The following NTNG1 variants were observed in gnomAD, a reference collection of about 807,000 sequenced individuals.
NTNG1 encodes netrin G1.
In NTNG1, 16 loss-of-function variants were observed where a neutral mutation model predicts 54.0. The ratio of observed to expected loss-of-function variants is 0.30; its 90% CI spans 0.20 to 0.45. NTNG1 has a LOEUF of 0.45. NTNG1 is among the 20% of genes least tolerant of loss of function. NTNG1 has a pLI of 1.00. For missense variants in NTNG1, 530 were observed against 678.7 expected, an observed-to-expected ratio of 0.78 and a Z score of 2.43; for synonymous variants, 255 against 263.1, an observed-to-expected ratio of 0.97 and a Z score of 0.30.
At chr1:107,170,718 A>G (rs908112955) in intron 2 of NTNG1, among the ~76,000 whole-genome samples, 1 of 151,414 alleles carries the variant, frequency 6.6e-6, no homozygotes, top group Admixed American at 6.6e-5. Flanking sequence ...CTTGAGGGGG[A>G]AAAAAAAGAA....
At chr1:107,267,495 C>G (rs1318364045) in intron 2 of NTNG1, among the ~76,000 whole-genome samples, 1 of 152,160 alleles carries the variant, frequency 6.6e-6, no homozygotes, top group Non-Finnish European at 1.5e-5. Context: ...GTCCCGTACC[C>G]TCATGCTCAT....
intron 2 of NTNG1, among the ~76,000 whole-genome samples, chr1:107,261,719 T>G (rs373007136): frequency 6.6e-6 from 1 of 152,214 alleles, no homozygotes. Context: ...GGCGGGTGCC[T>G]GTAGTCCCAG....
Position 107,165,555 on chromosome 1 carries a change from C to G in NTNG1, c.246+16716C>G, listed in dbSNP as rs76701564. 5.0e-3 allele frequency among the ~76,000 whole-genome samples: 755 copies of G among 152,236 alleles called. 11 individuals are homozygous for G. Among genetic ancestry groups the G allele is most frequent in the African/African-American group, 0.017 (719 of 41,536 alleles). On this transcript the variant is annotated intron_variant, in intron 2 of 7. Transcript: ENST00000370068. ...AATTATTAGTTACTAGTCTGCCCCC[C>G]ACATCAGATTGTAAGCTCCTTGCAG...
chr1:107,469,019 C>A (rs541873015), intron 7 of NTNG1, among the ~76,000 whole-genome samples: 1 of 151,236 alleles, frequency 6.6e-6, no homozygotes, highest in Admixed American at 6.6e-5. Flanking sequence ...TCGCTTGAAT[C>A]CCGGGAGGCG....
chr1:107,387,362 T>C (rs1672074474), intron 3 of NTNG1, among the ~76,000 whole-genome samples: 1 of 152,226 alleles, frequency 6.6e-6, no homozygotes, highest in African/African-American at 2.4e-5. Context: ...AGCCATATTT[T>C]AGTTTTTCTG....
At chr1:107,147,035 G>C (rs1654173130) in intron 1 of NTNG1, among the ~76,000 whole-genome samples, 1 of 151,906 alleles carries the variant, frequency 6.6e-6, no homozygotes, top group East Asian at 1.9e-4. Flanking sequence ...ATCTAATTAA[G>C]AAATTATACT....
At chr1:107,157,290 A>C (rs983268991) in intron 2 of NTNG1, among the ~76,000 whole-genome samples, 8 of 152,208 alleles carry the variant, frequency 5.3e-5, no homozygotes, top group Non-Finnish European at 1.2e-4. Flanking sequence ...ATAGTATTCT[A>C]GCATATGAAT....
At chr1:107,275,309 G>A (rs4344351) in intron 2 of NTNG1, among the ~76,000 whole-genome samples, 5,444 of 152,156 alleles carry the variant, frequency 0.036, 302 homozygotes, top group African/African-American at 0.12. Context: ...TCCGGGAGGT[G>A]GAGGTTGTAG....
At chr1:107,165,567 T>A (rs1001691178) in intron 2 of NTNG1, among the ~76,000 whole-genome samples, 5 of 152,156 alleles carry the variant, frequency 3.3e-5, no homozygotes, top group Admixed American at 2.0e-4. Context: ...CATCAGATTG[T>A]AAGCTCCTTG....
intron 2 of NTNG1, among the ~76,000 whole-genome samples, chr1:107,242,212 G>A (rs1424563704): frequency 1.3e-5 from 2 of 152,070 alleles, no homozygotes; most frequent in African/African-American, 4.8e-5. Context: ...TGGTTGGGGA[G>A]GCTTGAGGTG....
chr1:107,395,779 T>C (rs941121652), intron 4 of NTNG1, among the ~76,000 whole-genome samples: 1 of 152,196 alleles, frequency 6.6e-6, no homozygotes, highest in Non-Finnish European at 1.5e-5. Context: ...TTCTCCCCAC[T>C]ACAGTTTTAG....
chr1:107,264,205 C>A (rs1346744282), intron 2 of NTNG1, among the ~76,000 whole-genome samples: 1 of 152,104 alleles, frequency 6.6e-6, no homozygotes, highest in Non-Finnish European at 1.5e-5. Flanking sequence ...CACACCCCCT[C>A]CCCTCACCAC....
At chr1:107,335,794 T>C (rs1668539859) in intron 3 of NTNG1, among the ~76,000 whole-genome samples, 1 of 151,786 alleles carries the variant, frequency 6.6e-6, no homozygotes. Context: ...ACACTAACAA[T>C]GAAGGTCCAA....
chr1:107,235,883 A>C (rs1167677588), intron 2 of NTNG1, among the ~76,000 whole-genome samples: 1 of 152,144 alleles, frequency 6.6e-6, no homozygotes, highest in East Asian at 1.9e-4. Context: ...TCCAGGGCTC[A>C]CTAAGATACT....
At chr1:107,155,597 GACTCTTTAAGTGGGTCACT>G (rs1486420635) in intron 2 of NTNG1, among the ~76,000 whole-genome samples, 2 of 152,028 alleles carry the variant, frequency 1.3e-5, no homozygotes, top group Non-Finnish European at 2.9e-5. Context: ...ACTGTATTCT[GACTCTTTAAGTGGGTCACT>G]ACTCTTTAAG....
chr1:107,302,327 T>G (rs1666371828), intron 2 of NTNG1, among the ~76,000 whole-genome samples: 1 of 152,164 alleles, frequency 6.6e-6, no homozygotes, highest in African/African-American at 2.4e-5. Context: ...CTGCTTGATC[T>G]TGATCATGTA....
intron 3 of NTNG1, among the ~76,000 whole-genome samples, chr1:107,342,925 C>T (rs1465634131): frequency 6.6e-6 from 1 of 152,100 alleles, no homozygotes; most frequent in Non-Finnish European, 1.5e-5. Flanking sequence ...ATCCCTGTGC[C>T]TCCTAAAAGC....
intron 2 of NTNG1, among the ~76,000 whole-genome samples, chr1:107,236,152 G>C (rs971233785): frequency 6.6e-6 from 1 of 152,104 alleles, no homozygotes; most frequent in Admixed American, 6.6e-5. Flanking sequence ...CTTGAAATTA[G>C]CCTGAGGAAG....
At chr1:107,259,369 G>C (rs1164308192) in intron 2 of NTNG1, among the ~76,000 whole-genome samples, 1 of 152,002 alleles carries the variant, frequency 6.6e-6, no homozygotes, top group African/African-American at 2.4e-5. Context: ...GGAATAAATT[G>C]ACAAGGTTTC....
Sources: allele counts gnomAD v4.1 joint callset (sites outside exome capture counted in the v4.1 genomes callset), GRCh38; gene constraint gnomAD v4.1.1; transcripts MANE v1.5; gene names NCBI Gene and HGNC (gene_info 2026-07-23, HGNC 2026-07-21).